The following PDE7B variants were observed in gnomAD, a reference collection of about 807,000 sequenced individuals.
The protein encoded by PDE7B is 3',5'-cyclic-AMP phosphodiesterase 7B.
Under a neutral mutation model 56.2 loss-of-function variants are expected in PDE7B, and 29 were observed. That is an observed-to-expected ratio of 0.52 (90% CI 0.38 to 0.70). PDE7B has a LOEUF of 0.70. Ranked by LOEUF, PDE7B falls within the 30% of genes least tolerant of loss-of-function variation. The pLI, the probability that PDE7B is intolerant of heterozygous loss-of-function variation, is 0.00. For missense variants in PDE7B, 490 were observed against 565.0 expected (o/e 0.87, Z 1.35); for synonymous variants, 197 against 196.9 (o/e 1.00, Z 0.00).
At chr6:135,942,858 A>ATT (rs1237684650) in intron 1 of PDE7B, among the ~76,000 whole-genome samples, 1 of 147,748 alleles carries the variant, frequency 6.8e-6, no homozygotes, top group Non-Finnish European at 1.5e-5. Flanking sequence ...ATAATATTCC[A>ATT]TTGTGTGTGT....
chr6:136,098,776 C>CT (rs576368817), intron 2 of PDE7B, among the ~76,000 whole-genome samples: 358 of 139,074 alleles, frequency 2.6e-3, no homozygotes, highest in African/African-American at 5.7e-3. Flanking sequence ...ACCTACTTTT[C>CT]TTTTTTTTTT....
intron 1 of PDE7B, among the ~76,000 whole-genome samples, chr6:135,916,085 G>A (rs1036022684): frequency 6.6e-6 from 1 of 152,170 alleles, no homozygotes; most frequent in African/African-American, 2.4e-5. Context: ...GAACTACACA[G>A]TCATAAAGTA....
rs999350558 is a variant in PDE7B at position 135,898,974 on chromosome 6, C to G, written c.21+46955C>G. 3.9e-5 allele frequency among the ~76,000 whole-genome samples: 6 copies of G among 152,042 alleles called. No homozygotes were observed. The East Asian group carries it at 9.6e-4, about 24-fold the overall frequency. The stretch of plus-strand genomic sequence containing the variant: ...TAATCCCCATGTGTTGAGGGGGGCG[C>G]CAGGTGGAGATAATTGAATCATGGG... On this transcript the variant is annotated intron_variant, in intron 1 of 12. Transcript: ENST00000308191.
At chr6:136,096,635 A>G (rs1305305648) in intron 2 of PDE7B, among the ~76,000 whole-genome samples, 1 of 151,724 alleles carries the variant, frequency 6.6e-6, no homozygotes, top group Non-Finnish European at 1.5e-5. Flanking sequence ...TTTTCAAATT[A>G]TATTTTATTA....
intron 8 of PDE7B, chr6:136,162,096 A>G (rs1328814055): frequency 6.6e-6 from 1 of 150,606 alleles, no homozygotes; most frequent in Non-Finnish European, 1.5e-5. Flanking sequence ...TCCACTTTAC[A>G]AAAGACAGAC....
intron 2 of PDE7B, among the ~76,000 whole-genome samples, chr6:136,016,012 G>T (rs1775970841): frequency 6.6e-6 from 1 of 152,066 alleles, no homozygotes. Context: ...CTCTATAAAA[G>T]AAAAACTTCT....
At position 136,082,504 on chromosome 6, in the gene PDE7B, T is replaced by G. The variant is rs548224661; in HGVS notation, c.83-26227T>G. On this transcript the variant is annotated intron_variant, in intron 2 of 12. Transcript: ENST00000308191. ...ACAGACATGGGAAAGGCTGTGATGT[T>G]CAGCTGAGGGCCAGTCATGCAGTTA... Among the ~76,000 whole-genome samples the G allele has an allele frequency of 2.0e-5, 3 of 152,312 alleles. No homozygotes were observed. The East Asian group carries it at 5.8e-4, about 29-fold the overall frequency.
intron 2 of PDE7B, among the ~76,000 whole-genome samples, chr6:135,962,621 A>T (rs1055706155): frequency 1.3e-5 from 2 of 152,134 alleles, no homozygotes; most frequent in African/African-American, 2.4e-5. Context: ...TGTTTGCATT[A>T]CTAAAACCTA....
chr6:135,927,057 T>C (rs1394710272), intron 1 of PDE7B, among the ~76,000 whole-genome samples: 5 of 152,232 alleles, frequency 3.3e-5, no homozygotes, highest in Non-Finnish European at 5.9e-5. Context: ...TAGCATATAG[T>C]TTAATGAGCT....
chr6:136,174,059 A>G (rs569557463), intron 9 of PDE7B, among the ~76,000 whole-genome samples, 171 bp downstream of exon 9: 1 of 152,188 alleles, frequency 6.6e-6, no homozygotes, highest in Non-Finnish European at 1.5e-5. Flanking sequence ...ACAGCAACCC[A>G]GAAACCAAAA....
At chr6:135,974,441 T>C (rs998852462) in intron 2 of PDE7B, among the ~76,000 whole-genome samples, 1 of 152,196 alleles carries the variant, frequency 6.6e-6, no homozygotes, top group Non-Finnish European at 1.5e-5. Context: ...CCTTGAGAAA[T>C]AATCAGCCAA....
intron 2 of PDE7B, among the ~76,000 whole-genome samples, chr6:136,101,077 C>T (rs141640795): frequency 1.3e-5 from 2 of 152,206 alleles, no homozygotes; most frequent in African/African-American, 2.4e-5. Flanking sequence ...TATTGATTTG[C>T]GTAAGTTGAA....
At chr6:135,886,345 C>T (rs540133622) in intron 1 of PDE7B, among the ~76,000 whole-genome samples, 2 of 152,108 alleles carry the variant, frequency 1.3e-5, no homozygotes, top group South Asian at 4.2e-4. Flanking sequence ...TCATCTTTTT[C>T]CTACCTTTTT....
intron 2 of PDE7B, among the ~76,000 whole-genome samples, chr6:136,031,278 C>T (rs1006982850): frequency 1.3e-5 from 2 of 152,150 alleles, no homozygotes; most frequent in Non-Finnish European, 2.9e-5. Context: ...CCCCAGGAAA[C>T]CTGTTAAAAA....
chr6:136,190,719 G>A (rs920080309), intron 12 of PDE7B, among the ~76,000 whole-genome samples: 1 of 152,138 alleles, frequency 6.6e-6, no homozygotes, highest in South Asian at 2.1e-4. Flanking sequence ...TCTTAAATAT[G>A]TAAGAGAACA....
At chr6:136,041,710 C>G (rs940762785) in intron 2 of PDE7B, among the ~76,000 whole-genome samples, 2 of 152,230 alleles carry the variant, frequency 1.3e-5, no homozygotes, top group African/African-American at 4.8e-5. Context: ...CAACTCTGTT[C>G]TTTGAACTGT....
At chr6:136,168,660 G>T (rs557778288) in intron 8 of PDE7B, among the ~76,000 whole-genome samples, 2 of 151,946 alleles carry the variant, frequency 1.3e-5, no homozygotes, top group South Asian at 4.1e-4. Context: ...GGAATGATTG[G>T]GCACAAGTGA....
chr6:136,097,287 T>C (rs1472852883), intron 2 of PDE7B, among the ~76,000 whole-genome samples: 1 of 152,226 alleles, frequency 6.6e-6, no homozygotes, highest in Non-Finnish European at 1.5e-5. Flanking sequence ...AGGGCATGTA[T>C]TTCTTTCCAC....
At chr6:136,011,626 G>A (rs772378274) in intron 2 of PDE7B, among the ~76,000 whole-genome samples, 3 of 152,074 alleles carry the variant, frequency 2.0e-5, no homozygotes, top group Non-Finnish European at 2.9e-5. Context: ...GCTAACCAGA[G>A]GTTTAATGTG....
Sources: gnomAD v4.1 joint callset for allele counts (sites outside exome capture counted in the v4.1 genomes callset) on GRCh38, gnomAD v4.1.1 for gene constraint, MANE v1.5 for transcripts, NCBI Gene and HGNC (gene_info 2026-07-23, HGNC 2026-07-21) for gene names.